Variants in PCDHGB3 observed in about 807,000 individuals in gnomAD.
The protein encoded by PCDHGB3 is protocadherin gamma subfamily B, 3, also known as protocadherin gamma-B3.
Under a neutral mutation model 59.2 loss-of-function variants are expected in PCDHGB3, and 40 were observed. The observed-to-expected ratio is 0.68, with a 90% CI of 0.52 to 0.88. The LOEUF (loss-of-function observed/expected upper bound fraction) is 0.88. Among genes scored for constraint, PCDHGB3 ranks in the 40% least tolerant of loss-of-function variants. The pLI is 0.00. For missense variants in PCDHGB3, 1,309 were observed against 1,187.9 expected, an observed-to-expected ratio of 1.10 and a Z score of -1.50; for synonymous variants, 581 against 503.6, an observed-to-expected ratio of 1.15 and a Z score of -2.06.
intron 1 of PCDHGB3, chr5:141,384,384 C>G: frequency 6.2e-7 from 1 of 1,613,934 alleles, no homozygotes; most frequent in African/African-American, 1.3e-5. Flanking sequence ...CCGAAGACAC[C>G]ATCCAGGGGG....
At chr5:141,466,689 A>G (rs2099127361) in intron 1 of PCDHGB3, among the ~76,000 whole-genome samples, 1 of 152,220 alleles carries the variant, frequency 6.6e-6, no homozygotes, top group Admixed American at 6.5e-5. Context: ...CTCAAGCTTC[A>G]TCATAAATTT....
intron 1 of PCDHGB3, chr5:141,429,216 T>A (rs1590916921): frequency 6.8e-6 from 1 of 146,786 alleles, no homozygotes; most frequent in Admixed American, 6.7e-5. Context: ...GTGTGAAAAG[T>A]GGGTATTATG....
intron 1 of PCDHGB3, chr5:141,423,620 C>T: frequency 6.2e-7 from 1 of 1,608,268 alleles, no homozygotes; most frequent in Middle Eastern, 1.7e-4. Context: ...GCTGAAGACT[C>T]AGCTATCATT....
At position 141,404,170 on chromosome 5, in the gene PCDHGB3, G is replaced by C. The variant is rs73279089; in HGVS notation, c.2415+31361G>C. Reference sequence around the variant, plus strand: ...AAGAAGATTATTACAGATTGTTGACGGCCCAAATTCTTGACCGAGAAAAAG... The same window carrying C: ...AAGAAGATTATTACAGATTGTTGACCGCCCAAATTCTTGACCGAGAAAAAG... On this transcript the variant is annotated intron_variant, in intron 1 of 3. Coordinates refer to ENST00000576222, the MANE Select transcript of PCDHGB3 (RefSeq NM_018924.5). The C allele has an allele frequency of 1.5e-3, 2,365 of 1,612,738 alleles. 32 individuals are homozygous for C. In the African/African-American group the frequency reaches 0.028, roughly 19 times the overall value.
intron 1 of PCDHGB3, chr5:141,375,945 T>C (rs770100512): frequency 1.2e-6 from 2 of 1,613,448 alleles, no homozygotes; most frequent in Non-Finnish European, 8.5e-7. Context: ...TCAGTGGGCC[T>C]GCACACGGGC....
chr5:141,476,831 G>C lies in PCDHGB3; in HGVS notation c.2416-17976G>C, dbSNP rs779348525. ...TCACATCAAGGTGCTGGACGCGAAT[G>C]ACAATGCGCCTGTCTTCAACCAGTC... On this transcript the variant is annotated intron_variant, in intron 1 of 3. Transcript: ENST00000576222. This position sits in a 1 kb window ranked among gnomAD's most constrained non-coding sequence, Gnocchi z 7.6. 1 of 1,613,504 alleles carries C rather than the reference G, an allele frequency of 6.2e-7. No homozygotes were observed. Among genetic ancestry groups the C allele is most frequent in the Non-Finnish European group, 8.5e-7 (1 of 1,180,050 alleles).
In PCDHGB3 at chr5:141,403,547, G is replaced by A. The variant is rs940508173; in HGVS notation, c.2415+30738G>A. ...AAACCCAGAGCTGGTGCTGGAGCGC[G>A]CCCTGGACAGGGAGGAGGCAACTGC... On this transcript the variant is annotated intron_variant, in intron 1 of 3. Coordinates refer to ENST00000576222, the MANE Select transcript of PCDHGB3 (RefSeq NM_018924.5). 3.4e-5 allele frequency: 55 copies of A among 1,613,888 alleles called. No individual in the cohort carries two copies. The highest frequency in any genetic ancestry group is 4.5e-5 in the Non-Finnish European group (53 of 1,179,904).
intron 3 of PCDHGB3, chr5:141,507,418 A>T (rs2099860509): frequency 6.6e-6 from 1 of 152,204 alleles, no homozygotes; most frequent in Non-Finnish European, 1.5e-5. Context: ...CTGTGAGGTT[A>T]AGTGGGGCCA....
intron 2 of PCDHGB3, among the ~76,000 whole-genome samples, chr5:141,500,421 G>A (rs1247202322): frequency 6.6e-6 from 1 of 151,852 alleles, no homozygotes; most frequent in Non-Finnish European, 1.5e-5. Flanking sequence ...GTGTTAGCCA[G>A]GATGGTCTCG....
At chr5:141,503,745 G>A (rs1377110427) in intron 2 of PCDHGB3, among the ~76,000 whole-genome samples, 3 of 152,220 alleles carry the variant, frequency 2.0e-5, no homozygotes, top group South Asian at 2.1e-4. Flanking sequence ...ATGGTATAGA[G>A]GTCACACATG....
At chr5:141,404,841 G>C (rs765291212) in intron 1 of PCDHGB3, 4 of 1,613,886 alleles carry the variant, frequency 2.5e-6, no homozygotes, top group African/African-American at 1.3e-5. Context: ...CGCACAGCTC[G>C]GGCCCTGCTA....
At chr5:141,404,354 G>C in intron 1 of PCDHGB3, 1 of 1,613,916 alleles carries the variant, frequency 6.2e-7, no homozygotes. Context: ...CAACGCCAGA[G>C]GTACTTCCAT....
At chr5:141,435,271 T>C (rs1242477213) in intron 1 of PCDHGB3, among the ~76,000 whole-genome samples, 1 of 152,216 alleles carries the variant, frequency 6.6e-6, no homozygotes, top group African/African-American at 2.4e-5. Context: ...CCATTTATAC[T>C]TTCTCAGTAT....
chr5:141,501,500 C>G (rs1385290676), intron 2 of PCDHGB3, among the ~76,000 whole-genome samples: 1 of 151,934 alleles, frequency 6.6e-6, no homozygotes, highest in Non-Finnish European at 1.5e-5. Context: ...GCTGCTGGGG[C>G]TCCAAGGCCT....
chr5:141,371,769 G>C lies in PCDHGB3; in HGVS notation c.1375G>C (p.Val459Leu), dbSNP rs755229487. Reference sequence around the variant, plus strand: ...CGTTTTCCACCAGGCCTCCTACACCGTGCATGTAGCTGAGAACAATCCGCC... The same window carrying C: ...CGTTTTCCACCAGGCCTCCTACACCCTGCATGTAGCTGAGAACAATCCGCC... ...VPVFHQASYT[V>L]HVAENNPPGA... The change falls in exon 1 of 4, where the codon GTG becomes CTG. Residue 459 changes from valine to leucine, a missense_variant. Transcript: ENST00000576222. 43 of 1,613,880 alleles carry C rather than the reference G, an allele frequency of 2.7e-5. No individual in the cohort carries two copies. Among genetic ancestry groups the C allele is most frequent in the Admixed American group, 6.7e-5 (4 of 60,016 alleles).
At chr5:141,387,821 A>C (rs2091106896) in intron 1 of PCDHGB3, 3 of 1,577,920 alleles carry the variant, frequency 1.9e-6, no homozygotes, top group Non-Finnish European at 2.6e-6. Context: ...AAAATCTGCA[A>C]TACAGAGGTT....
chr5:141,491,438 G>T lies in PCDHGB3; in HGVS notation c.2416-3369G>T, dbSNP rs376927300. 3.7e-6 allele frequency: 6 copies of T among 1,613,948 alleles called. No homozygotes were observed. The African/African-American group carries it at 4.0e-5, about 11-fold the overall frequency. ...GGGGGTGGAGGGCAGTGCTGCAGGCGCCAGGACTCACCCTCCCCGGACTTC... is the reference window on the plus strand; with the variant it reads ...GGGGGTGGAGGGCAGTGCTGCAGGCTCCAGGACTCACCCTCCCCGGACTTC... On this transcript the variant is annotated intron_variant, in intron 1 of 3. Transcript: ENST00000576222. The surrounding 1 kb of genome is among the most constrained non-coding windows in gnomAD (Gnocchi z 6.9).
At chr5:141,483,329 A>C (rs1463046335) in intron 1 of PCDHGB3, among the ~76,000 whole-genome samples, 3 of 152,182 alleles carry the variant, frequency 2.0e-5, no homozygotes, top group Non-Finnish European at 2.9e-5. Flanking sequence ...GGAGGCAAAG[A>C]GATCTTATCT....
chr5:141,408,219 C>T (rs560438654), intron 1 of PCDHGB3: 4 of 1,557,930 alleles, frequency 2.6e-6, no homozygotes, highest in East Asian at 4.8e-5. Flanking sequence ...GGGAGCTGCG[C>T]GCAGAGGCGC....
Sources: allele counts gnomAD v4.1 joint callset (sites outside exome capture counted in the v4.1 genomes callset), GRCh38; gene constraint gnomAD v4.1.1; non-coding constraint Gnocchi (gnomAD v3.1); transcripts MANE v1.5; gene names NCBI Gene and HGNC (gene_info 2026-07-23, HGNC 2026-07-21).